RPL24: variants seen among roughly 807,000 people sequenced by gnomAD.
RPL24 encodes ribosomal protein L24.
In RPL24, 7 loss-of-function variants were observed where a neutral mutation model predicts 26.4. That is an observed-to-expected ratio of 0.27 (90% CI 0.15 to 0.50). The LOEUF is 0.50. Among genes scored for constraint, RPL24 ranks in the 20% least tolerant of loss-of-function variants. RPL24 has a pLI of 0.98. For synonymous variants in RPL24, 67 were observed against 65.2 expected (o/e 1.03, Z -0.13); for missense variants, 109 against 194.9 (o/e 0.56, Z 2.62).
intron 5 of RPL24, 177 bp from the exon 6 acceptor site, chr3:101,681,392 G>C: frequency 1.7e-6 from 1 of 595,886 alleles, no homozygotes; most frequent in South Asian, 2.1e-5. Flanking sequence ...TCTTTACAAT[G>C]AAAGACAAAG....
intron 2 of RPL24, 44 bp from the exon 3 acceptor site, chr3:101,685,972 G>A (rs1576659746): frequency 1.6e-6 from 2 of 1,228,234 alleles, no homozygotes; most frequent in African/African-American, 1.5e-5. Flanking sequence ...ACTATACAAA[G>A]TACAAGAGGC....
chr3:101,686,552 T>C lies in RPL24; in HGVS notation c.11A>G (p.Glu4Gly). The change falls in exon 2 of 6, where the codon GAG becomes GGG. Residue 4 changes from glutamate to glycine, a missense_variant. By Grantham distance (98) the Glu-to-Gly change is moderately conservative. Around this residue, in one of 3 missense-constraint regions of RPL24, gnomAD observed 69 missense variants for 96.2 expected, o/e 0.72. Coordinates refer to ENST00000394077, the MANE Select transcript of RPL24 (RefSeq NM_000986.4). Reference sequence around the variant, plus strand: ...CTTGTACCCGCTAAAACTGCACAGCTCGACCCTGCAACAAAAAGTGAAAGT... The same window carrying C: ...CTTGTACCCGCTAAAACTGCACAGCCCGACCCTGCAACAAAAAGTGAAAGT... MKV[E>G]LCSFSGYKIY... 2.5e-6 allele frequency: 4 copies of C among 1,614,072 alleles called. No homozygotes were observed. Among genetic ancestry groups the C allele is most frequent in the Non-Finnish European group, 3.4e-6 (4 of 1,180,016 alleles).
chr3:101,682,507 T>C lies in RPL24; in HGVS notation c.330-15A>G. On this transcript the variant is annotated splice_polypyrimidine_tract_variant and intron_variant, in intron 4 of 5. Coordinates refer to ENST00000394077, the MANE Select transcript of RPL24 (RefSeq NM_000986.4). ...CCTTAGCAGCCCTGTGGGGTAAAAG[T>C]AACTTAAGGCAAAAGCACTTTACTC... The C allele has an allele frequency of 1.2e-6, 2 of 1,608,972 alleles. No individual in the cohort carries two copies. Among genetic ancestry groups the C allele is most frequent in the Non-Finnish European group, 1.7e-6 (2 of 1,176,818 alleles).
chr3:101,684,818 T>C (rs1437921867), intron 3 of RPL24, among the ~76,000 whole-genome samples: 4 of 97,086 alleles, frequency 4.1e-5, no homozygotes, highest in Admixed American at 2.1e-4. Flanking sequence ...AAAAAAGGTA[T>C]AGTGGCCTTA....
rs1559993973 is a variant in RPL24, at chr3:101,686,714, GAA to G, written c.-40_-39del. 5.6e-6 allele frequency: 9 copies of G among 1,613,876 alleles called. 1 individual carries two copies. The South Asian group carries it at 9.9e-5, about 18-fold the overall frequency. On this transcript the variant is annotated 5_prime_UTR_variant, in exon 1 of 6. Transcript: ENST00000394077. ...ACGGAAAGACAAAAGATGGCGAAAA[GAA>G]AGAGAGAATCATGGGAAGAGACCTT...
intron 5 of RPL24, chr3:101,682,144 G>C (rs41273607): frequency 6.3e-6 from 2 of 319,016 alleles, no homozygotes; most frequent in Non-Finnish European, 1.2e-5. Flanking sequence ...CTGAGGTCAA[G>C]AGTTCAAGAC....
chr3:101,683,153 A>G (rs1410148475), intron 3 of RPL24, among the ~76,000 whole-genome samples: 1 of 152,248 alleles, frequency 6.6e-6, no homozygotes, highest in Non-Finnish European at 1.5e-5. Context: ...GAAAATGGTT[A>G]TTCCATGAAC....
chr3:101,685,986 G>A, intron 2 of RPL24, 58 bp from the exon 3 acceptor site: 1 of 1,149,088 alleles, frequency 8.7e-7, no homozygotes, highest in Non-Finnish European at 1.3e-6. Flanking sequence ...AAGAGGCTGA[G>A]TAAGCTTGGA....
At chr3:101,682,199 A>C (rs917941872) in intron 5 of RPL24, 18 of 485,688 alleles carry the variant, frequency 3.7e-5, no homozygotes, top group African/African-American at 3.3e-4. Flanking sequence ...TTAAACAAAC[A>C]AACAAACAAA....
At chr3:101,681,389 A>C in intron 5 of RPL24, 174 bp from the exon 6 acceptor site, 1 of 598,980 alleles carries the variant, frequency 1.7e-6, no homozygotes. Context: ...CCATCTTTAC[A>C]ATGAAAGACA....
At chr3:101,681,288 ATTGT>A (rs1937259348) in intron 5 of RPL24, 73 bp from the exon 6 acceptor site, 2 of 1,005,050 alleles carry the variant, frequency 2.0e-6, no homozygotes, top group African/African-American at 3.2e-5. Context: ...TCACATCCAG[ATTGT>A]TTATGTAGCT....
chr3:101,682,283 T>C (rs1937273466), intron 5 of RPL24, 146 bp downstream of exon 5: 1 of 688,690 alleles, frequency 1.5e-6, no homozygotes, highest in Non-Finnish European at 2.6e-6. Flanking sequence ...GGAGTATCAC[T>C]TGAACCCGGG....
chr3:101,686,707 G>C lies in RPL24; in HGVS notation c.-31C>G, dbSNP rs778979094. 6.2e-7 allele frequency: 1 copy of C among 1,614,076 alleles called. No homozygotes were observed. The highest frequency in any genetic ancestry group is 1.3e-5 in the African/African-American group (1 of 75,072). On this transcript the variant is annotated 5_prime_UTR_variant, in exon 1 of 6. Transcript: ENST00000394077. ...CAGCTCCACGGAAAGACAAAAGATG[G>C]CGAAAAGAAAGAGAGAATCATGGGA... is the stretch of plus-strand genomic sequence containing the variant.
At chr3:101,686,145 T>C in intron 2 of RPL24, 1 of 578,498 alleles carries the variant, frequency 1.7e-6, no homozygotes, top group African/African-American at 1.9e-5. Context: ...GCAGGAAATC[T>C]AGGCTCATAG....
At chr3:101,682,734 G>C (rs142500229) in intron 4 of RPL24, 37 bp downstream of exon 4, 2 of 1,599,054 alleles carry the variant, frequency 1.3e-6, no homozygotes, top group South Asian at 2.2e-5. Flanking sequence ...AAATCCATCC[G>C]AATAGGTAAA....
chr3:101,682,882 C>T lies in RPL24; in HGVS notation c.218G>A (p.Arg73His), dbSNP rs765242500. Residue 73 changes from arginine to histidine, a missense_variant, in exon 4 of 6, where the codon CGC becomes CAC. Physicochemically the swap from Arg to His is conservative, Grantham distance 29. Transcript: ENST00000394077. ...QSEEIQKKRT[R>H]RAVKFQRAIT... is the part of the protein sequence containing the mutation. ...GGCCCTCTGGAATTTGACTGCTCGG[C>T]GGGTTCTTTTCTTTTGAATTTCTTC... The T allele has an allele frequency of 1.1e-5, 17 of 1,613,452 alleles. No homozygotes were observed. The highest frequency in any genetic ancestry group is 2.2e-5 in the South Asian group (2 of 91,042).
intron 3 of RPL24, 53 bp downstream of exon 3, chr3:101,685,765 G>A (rs555298997): frequency 2.0e-6 from 2 of 1,009,132 alleles, no homozygotes; most frequent in Non-Finnish European, 3.1e-6. Context: ...AACGTTCAGA[G>A]AGCTTTGACA....
chr3:101,685,613 G>T (rs1405577190), intron 3 of RPL24, among the ~76,000 whole-genome samples: 1 of 152,314 alleles, frequency 6.6e-6, no homozygotes, highest in African/African-American at 2.4e-5. Flanking sequence ...TAATTTATCT[G>T]ACTTTAAAAT....
rs1305479068 is a variant in RPL24 at position 101,682,456 on chromosome 3, A to G, written c.366T>C (p.Ser122=). The G allele has an allele frequency of 1.2e-6, 2 of 1,614,058 alleles. No homozygotes were observed. Among genetic ancestry groups the G allele is most frequent in the Non-Finnish European group, 8.5e-7 (1 of 1,179,878 alleles). Residue 122 remains serine, a synonymous_variant, in exon 5 of 6, where the codon TCT becomes TCC. Coordinates refer to ENST00000394077, the MANE Select transcript of RPL24 (RefSeq NM_000986.4). ...AKEAKKAKQA[S]KKTAMAAAKA... ...TAGCAGCAGCCATTGCAGTCTTTTT[A>G]GATGCTTGCTTAGCCTTTTTTGCTT...
Sources: gnomAD v4.1 joint callset for allele counts (sites outside exome capture counted in the v4.1 genomes callset) on GRCh38, gnomAD v4.1.1 for gene constraint, gnomAD v4.1.1 regional missense constraint, MANE v1.5 for transcripts, NCBI Gene and HGNC (gene_info 2026-07-23, HGNC 2026-07-21) for gene names.